The following SYT6 variants were observed in gnomAD, a reference collection of about 807,000 sequenced individuals.
SYT6 encodes synaptotagmin-6.
Under a neutral mutation model 38.4 loss-of-function variants are expected in SYT6, and 24 were observed. The ratio of observed to expected loss-of-function variants is 0.62; its 90% CI spans 0.45 to 0.88. The LOEUF (loss-of-function observed/expected upper bound fraction) is 0.88, where lower values mean the gene tolerates loss of function less well. Ranked by LOEUF, SYT6 falls within the 40% of genes least tolerant of loss-of-function variation. The pLI, the probability that SYT6 is intolerant of heterozygous loss-of-function variation, is 0.00. For missense variants in SYT6, 611 were observed against 621.0 expected, an observed-to-expected ratio of 0.98 and a Z score of 0.17; for synonymous variants, 265 against 241.9, an observed-to-expected ratio of 1.10 and a Z score of -0.89.
chr1:114,114,831 T>A (rs1676897343), intron 3 of SYT6, among the ~76,000 whole-genome samples: 1 of 152,182 alleles, frequency 6.6e-6, no homozygotes, highest in Non-Finnish European at 1.5e-5. Context: ...CAAGCAAAAG[T>A]TAAGGCATAA....
Position 114,091,171 on chromosome 1 carries a change from T to A in SYT6, c.*963A>T, listed in dbSNP as rs1398552337. 6.5e-6 allele frequency: 1 copy of A among 152,810 alleles called. No homozygotes were observed. Among genetic ancestry groups the A allele is most frequent in the Non-Finnish European group, 1.5e-5 (1 of 68,050 alleles). 9.5% of individuals were successfully genotyped at this position (152,810 alleles called of 1,614,324 possible). ...GATACTTCATGGAATTATAAAGCTA[T>A]GTATAATGCAGAAATCATTCCAGAA... is the stretch of plus-strand genomic sequence containing the variant. On this transcript the variant is annotated 3_prime_UTR_variant, in exon 8 of 8. Transcript: ENST00000610222.
Position 114,090,918 on chromosome 1 carries a change from A to G in SYT6, c.*1216T>C, listed in dbSNP as rs1308694182. The G allele has an allele frequency of 6.5e-6, 1 of 152,906 alleles. No homozygotes were observed. Among genetic ancestry groups the G allele is most frequent in the Non-Finnish European group, 1.5e-5 (1 of 68,040 alleles). 9.5% of individuals were successfully genotyped at this position (152,906 alleles called of 1,614,324 possible). A position where few individuals can be genotyped will look rare whatever the true frequency, so the allele number is the denominator to read the frequency against. On this transcript the variant is annotated 3_prime_UTR_variant, in exon 8 of 8. Coordinates refer to ENST00000610222, the MANE Select transcript of SYT6 (RefSeq NM_001253772.2). ...GAAACCCTCACAACCACTGAAACAA[A>G]CAACACTGAAGTACTTAGTAATTTA...
At position 114,143,609 on chromosome 1, in the gene SYT6, CA is replaced by C. The variant is rs564744631; in HGVS notation, c.164-3647del. On this transcript the variant is annotated intron_variant, in intron 1 of 7. Transcript: ENST00000610222. ...ATAACTTTTATATGCACTGGGAAACCAAAAAATTTGTGTGACTTGCTTTATT... is the reference window on the plus strand; with the variant it reads ...ATAACTTTTATATGCACTGGGAAACCAAAAATTTGTGTGACTTGCTTTATT... Among the ~76,000 whole-genome samples the C allele has an allele frequency of 3.6e-4, 54 of 149,638 alleles. 1 individual carries two copies. In the South Asian group the frequency reaches 0.011, roughly 29 times the overall value.
intron 3 of SYT6, among the ~76,000 whole-genome samples, chr1:114,112,353 C>A (rs1280772772): frequency 6.6e-6 from 1 of 152,206 alleles, no homozygotes; most frequent in African/African-American, 2.4e-5. Context: ...AATGTTTCAG[C>A]ATCTGAGCAT....
chr1:114,105,362 G>A (rs543151307), intron 3 of SYT6, among the ~76,000 whole-genome samples: 9 of 134,956 alleles, frequency 6.7e-5, no homozygotes, highest in South Asian at 2.4e-4. Flanking sequence ...CAGAGCCTGC[G>A]CTCACCGCAC....
rs76738620 is a variant in SYT6, at chr1:114,142,942, A to G, written c.164-2979T>C. On this transcript the variant is annotated intron_variant, in intron 1 of 7. Coordinates refer to ENST00000610222, the MANE Select transcript of SYT6 (RefSeq NM_001253772.2). The stretch of plus-strand genomic sequence containing the variant: ...AGTATATTTTACACTGTATATGTGT[A>G]TATATATAGGTAAATATATTACAAT... Among the ~76,000 whole-genome samples, 1,054 of 152,246 alleles carry G rather than the reference A, an allele frequency of 6.9e-3. 14 individuals carry two copies. Among genetic ancestry groups the G allele is most frequent in the African/African-American group, 0.024 (997 of 41,526 alleles).
intron 4 of SYT6, among the ~76,000 whole-genome samples, chr1:114,101,686 C>G (rs1310900617): frequency 1.3e-5 from 2 of 152,290 alleles, no homozygotes; most frequent in Non-Finnish European, 2.9e-5. Context: ...TCGAATAAGT[C>G]TGGGCTGAGG....
intron 3 of SYT6, among the ~76,000 whole-genome samples, chr1:114,109,045 T>C (rs12089004): frequency 0.089 from 13,549 of 152,140 alleles, 1,211 homozygotes; most frequent in East Asian, 0.45. Flanking sequence ...TAGAAGCCAG[T>C]TGGACTCCAA....
At chr1:114,121,446 T>C (rs572980486) in intron 3 of SYT6, among the ~76,000 whole-genome samples, 1 of 152,180 alleles carries the variant, frequency 6.6e-6, no homozygotes, top group East Asian at 1.9e-4. Context: ...GCCTCCATGG[T>C]AGTCCTCTCC....
chr1:114,099,543 A>G (rs1675841416), intron 4 of SYT6, among the ~76,000 whole-genome samples: 1 of 152,168 alleles, frequency 6.6e-6, no homozygotes, highest in African/African-American at 2.4e-5. Context: ...CATATCAGAC[A>G]TGACACCTGC....
At chr1:114,111,377 G>T (rs1013774341) in intron 3 of SYT6, among the ~76,000 whole-genome samples, 16 of 152,156 alleles carry the variant, frequency 1.1e-4, no homozygotes, top group African/African-American at 3.6e-4. Context: ...TGGCCCAAGG[G>T]CACACAGCTA....
chr1:114,111,282 T>A (rs957396296), intron 3 of SYT6, among the ~76,000 whole-genome samples: 4 of 152,204 alleles, frequency 2.6e-5, no homozygotes, highest in Non-Finnish European at 5.9e-5. Context: ...TGTCATATAA[T>A]CTTCACAAAA....
intron 4 of SYT6, among the ~76,000 whole-genome samples, chr1:114,099,840 G>T (rs1205162206): frequency 6.6e-6 from 1 of 152,084 alleles, no homozygotes; most frequent in Admixed American, 6.5e-5. Flanking sequence ...ATAATTTTGG[G>T]TCCCATTGTC....
At chr1:114,096,683 G>A (rs1675660455) in intron 6 of SYT6, among the ~76,000 whole-genome samples, 1 of 152,260 alleles carries the variant, frequency 6.6e-6, no homozygotes, top group African/African-American at 2.4e-5. Flanking sequence ...GCATCATAGA[G>A]TGTGGGGAGG....
At chr1:114,098,020 TG>T in intron 5 of SYT6, 143 bp from the exon 6 acceptor site, 1 of 913,752 alleles carries the variant, frequency 1.1e-6, no homozygotes, top group African/African-American at 1.7e-5. Context: ...GCAGGGCTTC[TG>T]GGTGTCAGTG....
chr1:114,152,990 C>A (rs1385281665), intron 1 of SYT6: 2 of 152,170 alleles, frequency 1.3e-5, no homozygotes, highest in Non-Finnish European at 2.9e-5. Context: ...CGCCGCAACA[C>A]CCTCATACCC....
At position 114,105,962 on chromosome 1, in the gene SYT6, T is replaced by C. The variant is rs573225635; in HGVS notation, c.1072-2241A>G. 3.3e-5 allele frequency among the ~76,000 whole-genome samples: 5 copies of C among 152,254 alleles called. No homozygotes were observed. The South Asian group carries it at 1.0e-3, about 32-fold the overall frequency. The stretch of plus-strand genomic sequence containing the variant: ...GAGTATGCAGTCCCCACCCTCGACA[T>C]GCAGATGGTCTAGCGGGGCGTAACC... On this transcript the variant is annotated intron_variant, in intron 3 of 7. Transcript: ENST00000610222.
At chr1:114,098,669 T>A (rs1165330951) in intron 5 of SYT6, among the ~76,000 whole-genome samples, 4 of 152,174 alleles carry the variant, frequency 2.6e-5, no homozygotes, top group Non-Finnish European at 5.9e-5. Context: ...GTCCTTAGTA[T>A]GTTGACCGAA....
At chr1:114,100,438 G>A (rs1311492135) in intron 4 of SYT6, among the ~76,000 whole-genome samples, 1 of 152,170 alleles carries the variant, frequency 6.6e-6, no homozygotes, top group African/African-American at 2.4e-5. Context: ...TCATTCAGAT[G>A]GCAGATGAGG....
Sources: allele counts gnomAD v4.1 joint callset (sites outside exome capture counted in the v4.1 genomes callset), GRCh38; gene constraint gnomAD v4.1.1; transcripts MANE v1.5; gene names NCBI Gene and HGNC (gene_info 2026-07-23, HGNC 2026-07-21).